SMG6: variants seen among roughly 807,000 people sequenced by gnomAD.
SMG6 encodes SMG6 nonsense mediated mRNA decay factor.
A neutral mutation model predicts 142.2 loss-of-function variants in SMG6; 66 were observed. The ratio of observed to expected loss-of-function variants is 0.46; its 90% CI spans 0.38 to 0.57. The LOEUF is 0.57. SMG6 is among the 20% of genes least tolerant of loss of function. The probability of loss-of-function intolerance (pLI) is 0.00; values close to 1 mark genes in which losing one functional copy is unlikely to be tolerated. For missense variants in SMG6, 1,793 were observed against 1,832.0 expected (o/e 0.98, Z 0.39); for synonymous variants, 779 against 702.4 (o/e 1.11, Z -1.72).
At chr17:2,297,220 G>A (rs2075161874) in intron 4 of SMG6, 23 bp downstream of exon 4, 4 of 1,525,262 alleles carry the variant, frequency 2.6e-6, no homozygotes, top group South Asian at 1.2e-5. Flanking sequence ...GAAAATTTAA[G>A]ATACATAAAG....
rs187461836 is a variant in SMG6 at position 2,243,574 on chromosome 17, G to A, written c.2723+1084C>T. ...CATGTGCCTGTAATCCCAGCTACTT[G>A]GGGGGCTGAGGCAGAAGAATCACTT... On this transcript the variant is annotated intron_variant, in intron 9 of 18. Coordinates refer to ENST00000263073, the MANE Select transcript of SMG6 (RefSeq NM_017575.5). 2.6e-3 allele frequency among the ~76,000 whole-genome samples: 391 copies of A among 152,272 alleles called. 17 individuals are homozygous for A. In the East Asian group the frequency reaches 0.053, roughly 21 times the overall value.
At chr17:2,157,382 A>G (rs1054675224) in intron 13 of SMG6, among the ~76,000 whole-genome samples, 3 of 152,222 alleles carry the variant, frequency 2.0e-5, no homozygotes, top group African/African-American at 7.2e-5. Context: ...AAACACTCAT[A>G]CATGCAGCTA....
chr17:2,188,013 G>T (rs896958262), intron 11 of SMG6, among the ~76,000 whole-genome samples: 3 of 152,100 alleles, frequency 2.0e-5, no homozygotes. Flanking sequence ...CTGGTCCACA[G>T]CGGTTACAGA....
At chr17:2,256,661 G>A (rs570255541) in intron 8 of SMG6, among the ~76,000 whole-genome samples, 3 of 152,186 alleles carry the variant, frequency 2.0e-5, no homozygotes, top group African/African-American at 7.2e-5. Flanking sequence ...TGTAGTTCTA[G>A]CTACTTGTGA....
chr17:2,265,238 G>A (rs1321209145), intron 8 of SMG6, among the ~76,000 whole-genome samples: 18 of 152,076 alleles, frequency 1.2e-4, no homozygotes, highest in East Asian at 1.9e-4. Context: ...AAGAACTGTC[G>A]GCCGGGCACA....
chr17:2,125,952 C>CAA (rs562438656), intron 13 of SMG6, among the ~76,000 whole-genome samples: 34,318 of 104,696 alleles, frequency 0.33, 6,911 homozygotes, highest in African/African-American at 0.55. Flanking sequence ...GAACCCATCT[C>CAA]AAAAAAAAAA....
intron 13 of SMG6, chr17:2,088,388 C>T (rs1358337116): frequency 2.0e-6 from 2 of 985,226 alleles, no homozygotes; most frequent in Non-Finnish European, 2.4e-6. Context: ...GTGGGAATTG[C>T]CTATTCCATG....
rs78905378 is a variant in SMG6 at position 2,237,021 on chromosome 17, C to T, written c.2724-384G>A. 8.6e-3 allele frequency: 1,496 copies of T among 173,624 alleles called. 31 individuals are homozygous for T. The highest frequency in any genetic ancestry group is 0.033 in the African/African-American group (1,392 of 41,902). 10.8% of individuals were successfully genotyped at this position (173,624 alleles called of 1,614,324 possible). ...CAAATTTCCTGAAACCTTCACAGTC[C>T]CTAAACTCTCTGGTATGAAACTTAA... On this transcript the variant is annotated intron_variant, in intron 9 of 18. Transcript: ENST00000263073.
intron 8 of SMG6, among the ~76,000 whole-genome samples, chr17:2,279,594 G>A (rs938538671): frequency 3.9e-5 from 6 of 152,162 alleles, no homozygotes; most frequent in South Asian, 2.1e-4. Flanking sequence ...CTGAAATGGT[G>A]ATAGCTTGAA....
intron 14 of SMG6, among the ~76,000 whole-genome samples, chr17:2,083,924 G>C (rs889652355): frequency 2.0e-5 from 3 of 152,208 alleles, no homozygotes; most frequent in Admixed American, 1.3e-4. Context: ...GAACCCAGGA[G>C]ACTCGTGGGA....
At chr17:2,234,795 C>T (rs2073602987) in intron 10 of SMG6, among the ~76,000 whole-genome samples, 1 of 151,940 alleles carries the variant, frequency 6.6e-6, no homozygotes, top group Non-Finnish European at 1.5e-5. Flanking sequence ...CAACCTCCAC[C>T]TCCCAGGTTC....
intron 16 of SMG6, among the ~76,000 whole-genome samples, chr17:2,067,578 A>G (rs926498940): frequency 2.6e-5 from 4 of 152,202 alleles, no homozygotes; most frequent in Admixed American, 1.3e-4. Context: ...TGCCTTGGTG[A>G]CAGAAACTGT....
chr17:2,131,054 T>G (rs2070105286), intron 13 of SMG6, among the ~76,000 whole-genome samples: 1 of 152,164 alleles, frequency 6.6e-6, no homozygotes, highest in Admixed American at 6.6e-5. Flanking sequence ...AGTAACCCTT[T>G]TACCCCACCA....
chr17:2,265,362 T>C (rs2074398618), intron 8 of SMG6, among the ~76,000 whole-genome samples: 1 of 139,476 alleles, frequency 7.2e-6, no homozygotes, highest in Non-Finnish European at 1.6e-5. Flanking sequence ...ATACAAAAAT[T>C]AGCAGCGGGT....
At chr17:2,207,332 G>A (rs544320066) in intron 10 of SMG6, among the ~76,000 whole-genome samples, 2 of 151,922 alleles carry the variant, frequency 1.3e-5, no homozygotes, top group African/African-American at 4.8e-5. Context: ...ATTAGAAAAT[G>A]ATCAGTTTTA....
intron 13 of SMG6, among the ~76,000 whole-genome samples, chr17:2,130,279 A>AAAAAAAAAAAAAAAAAAAAAT (rs2070073747): frequency 6.8e-6 from 1 of 147,172 alleles, no homozygotes; most frequent in Non-Finnish European, 1.5e-5. Context: ...AAAAAAAAAA[A>AAAAAAAAAAAAAAAAAAAAAT]AAAAAGAAAC....
At chr17:2,061,977 A>G (rs2151377655) in intron 18 of SMG6, 1 of 187,110 alleles carries the variant, frequency 5.3e-6, no homozygotes, top group South Asian at 1.1e-4. Context: ...CCCCCAGATC[A>G]CAACACCGCT....
At chr17:2,061,781 CG>C in intron 18 of SMG6, 159 bp from the exon 19 acceptor site, 1 of 827,644 alleles carries the variant, frequency 1.2e-6, no homozygotes. Context: ...CTCTCAGCCC[CG>C]GGGACCCTCC....
At chr17:2,276,184 C>A (rs1157198218) in intron 8 of SMG6, among the ~76,000 whole-genome samples, 2 of 152,144 alleles carry the variant, frequency 1.3e-5, no homozygotes, top group Non-Finnish European at 2.9e-5. Context: ...TTGGGCATAA[C>A]ACAAACTTTG....
Sources: gnomAD v4.1 joint callset for allele counts (sites outside exome capture counted in the v4.1 genomes callset) on GRCh38, gnomAD v4.1.1 for gene constraint, MANE v1.5 for transcripts, NCBI Gene and HGNC (gene_info 2026-07-23, HGNC 2026-07-21) for gene names.